Variants in DNAH6 observed in about 807,000 individuals in gnomAD.
DNAH6 encodes the protein dynein axonemal heavy chain 6.
In DNAH6, 340 loss-of-function variants were observed where a neutral mutation model predicts 491.4. That is an observed-to-expected ratio of 0.69 (90% CI 0.63 to 0.76). DNAH6 has a LOEUF of 0.76. DNAH6 is among the 30% of genes least tolerant of loss of function. The pLI, the probability that DNAH6 is intolerant of heterozygous loss-of-function variation, is 0.00. For synonymous variants in DNAH6, 1,603 were observed against 1,686.1 expected (o/e 0.95, Z 1.21); for missense variants, 4,443 against 4,972.2 (o/e 0.89, Z 3.20).
Position 84,663,490 on chromosome 2 carries a change from G to GAGA in DNAH6, c.6084+4321_6084+4322insAGA, listed in dbSNP as rs1450892355. Among the ~76,000 whole-genome samples the GAGA allele has an allele frequency of 4.3e-3, 647 of 152,106 alleles. 3 individuals are homozygous for GAGA. Among genetic ancestry groups the GAGA allele is most frequent in the African/African-American group, 0.015 (606 of 41,506 alleles). ...GCCGATTCTATCAATTGGAAGAAAG[G>GAGA]GTATCAGAGATTGAAGATCAAATGA... is the stretch of plus-strand genomic sequence containing the variant. On this transcript the variant is annotated intron_variant, in intron 37 of 76. Coordinates refer to ENST00000389394, the MANE Select transcript of DNAH6 (RefSeq NM_001370.2).
chr2:84,648,982 T>A (rs1456229468), intron 33 of DNAH6, among the ~76,000 whole-genome samples: 2 of 152,176 alleles, frequency 1.3e-5, no homozygotes, highest in Non-Finnish European at 2.9e-5. Context: ...ATTGCCACAG[T>A]CACTCCAGCC....
At chr2:84,735,923 TTCA>T (rs1699503521) in intron 62 of DNAH6, among the ~76,000 whole-genome samples, 1 of 152,208 alleles carries the variant, frequency 6.6e-6, no homozygotes, top group Non-Finnish European at 1.5e-5. Flanking sequence ...TTTTGGACTC[TTCA>T]TCATAAATAC....
chr2:84,646,381 T>G (rs996206832), intron 33 of DNAH6, among the ~76,000 whole-genome samples: 3 of 152,142 alleles, frequency 2.0e-5, no homozygotes, highest in African/African-American at 7.2e-5. Context: ...TGGTCTCTAG[T>G]GTTCAAGTGA....
At chr2:84,697,869 T>G in intron 47 of DNAH6, 142 bp downstream of exon 47, 4 of 893,228 alleles carry the variant, frequency 4.5e-6, no homozygotes, top group Non-Finnish European at 6.8e-6. Context: ...TCGATGTATT[T>G]TATTTTCGGT....
At position 84,731,501 on chromosome 2, in the gene DNAH6, G is replaced by A. The variant is rs556153501; in HGVS notation, c.10207-1943G>A. 2.2e-4 allele frequency among the ~76,000 whole-genome samples: 34 copies of A among 152,308 alleles called. 1 individual carries two copies. In the East Asian group the frequency reaches 5.0e-3, roughly 22 times the overall value. On this transcript the variant is annotated intron_variant, in intron 61 of 76. Transcript: ENST00000389394. ...AAGCTACTCTCTTCCCATCCATGGC[G>A]TACTCAGCTCCTAGAACTGGAATAT...
chr2:84,777,300 C>A, intron 64 of DNAH6: 2 of 270,096 alleles, frequency 7.4e-6, no homozygotes, highest in South Asian at 7.0e-5. Flanking sequence ...AGTGTAAATG[C>A]ACTCTTCTTC....
At chr2:84,460,379 A>G in the DNAH6 span, among the ~76,000 whole-genome samples, 2 of 152,256 alleles carry the variant, frequency 1.3e-5, no homozygotes, top group Non-Finnish European at 2.9e-5. Flanking sequence ...AGTGGTTTCC[A>G]GATATATCCA....
rs1679347006 is a variant in DNAH6, at chr2:84,805,665, T to C, written c.11482T>C (p.Tyr3828His). The change falls in exon 71 of 77, where the codon TAC (tyrosine) becomes CAC (histidine). Residue 3828 changes from tyrosine (Y) to histidine (H), a missense_variant and splice_region_variant. Tyr to His is a moderately conservative substitution (Grantham distance 83). This residue lies in a region of DNAH6 where 1,463 missense variants were observed against 1,656.6 expected (regional missense o/e 0.88). Transcript: ENST00000389394. Reference sequence around the variant, plus strand: ...GTTCTGTCTCTTATTGCCATTACAGTACAAAGAGACCAGCACTTTAATCAA... The same window carrying C: ...GTTCTGTCTCTTATTGCCATTACAGCACAAAGAGACCAGCACTTTAATCAA... The part of the protein sequence containing the change: ...MHENANLVFQ[Y>H]KETSTLINTI... The C allele has an allele frequency of 1.0e-5, 16 of 1,550,434 alleles. No homozygotes were observed. The highest frequency in any genetic ancestry group is 1.4e-5 in the Non-Finnish European group (16 of 1,146,384).
Position 84,658,420 on chromosome 2 carries a change from CTG to C in DNAH6, c.5888_5889del (p.Cys1963LeufsTer14), listed in dbSNP as rs767740823. 7 of 1,546,314 alleles carry C rather than the reference CTG, an allele frequency of 4.5e-6. No individual in the cohort carries two copies. The South Asian group carries it at 8.4e-5, about 19-fold the overall frequency. On this transcript the variant is annotated frameshift_variant, in exon 36 of 77. Transcript: ENST00000389394. LOFTEE classifies it high-confidence loss of function. Reference sequence around the variant, plus strand: ...TGGACATCAGCAAAGTTACTACACTCTGTTGCTTATTGGAGTCCTTGATACTT... The same window carrying C: ...TGGACATCAGCAAAGTTACTACACTCTTGCTTATTGGAGTCCTTGATACTT... Reference protein sequence around the residue: ...QVDISKVTTLCCLLESLILGK... With the variant: ...QVDISKVTTLXCLLESLILGK...
chr2:84,762,146 C>T (rs887276982), intron 63 of DNAH6, among the ~76,000 whole-genome samples: 2 of 151,800 alleles, frequency 1.3e-5, no homozygotes, highest in South Asian at 2.1e-4. Flanking sequence ...CAGGCCTGGG[C>T]GTAATCATCA....
At chr2:84,560,500 G>A (rs1221549930) in intron 11 of DNAH6, among the ~76,000 whole-genome samples, 1 of 147,038 alleles carries the variant, frequency 6.8e-6, no homozygotes, top group African/African-American at 2.5e-5. Context: ...GGGTACATGT[G>A]CACAATGTGC....
chr2:84,791,965 A>G (rs1414804586), intron 68 of DNAH6, among the ~76,000 whole-genome samples: 1 of 152,208 alleles, frequency 6.6e-6, no homozygotes, highest in Non-Finnish European at 1.5e-5. Context: ...TAGCCAAAAT[A>G]TGGAAACAAC....
At chr2:84,789,385 G>A (rs1573815728) in intron 68 of DNAH6, among the ~76,000 whole-genome samples, 1 of 152,122 alleles carries the variant, frequency 6.6e-6, no homozygotes, top group African/African-American at 2.4e-5. Context: ...CAGATCAGAG[G>A]CAGACAAGAG....
chr2:84,643,442 T>A lies in DNAH6; in HGVS notation c.5078+1388T>A, dbSNP rs1689608460. ...TTAATTTGGGGAAATTCTGCCATTATTCTTTCAAATATTTCTTCTGTTTTT... is the reference window on the plus strand; with the variant it reads ...TTAATTTGGGGAAATTCTGCCATTAATCTTTCAAATATTTCTTCTGTTTTT... On this transcript the variant is annotated intron_variant, in intron 33 of 76. Transcript: ENST00000389394. Among the ~76,000 whole-genome samples the A allele has an allele frequency of 2.0e-5, 3 of 152,274 alleles. No individual in the cohort carries two copies. The South Asian group carries it at 6.2e-4, about 32-fold the overall frequency.
At chr2:84,476,049 A>G in the DNAH6 span, among the ~76,000 whole-genome samples, 1 of 152,210 alleles carries the variant, frequency 6.6e-6, no homozygotes, top group Non-Finnish European at 1.5e-5. Flanking sequence ...GAGCTTCGTC[A>G]GCCCACCAGG....
intron 35 of DNAH6, among the ~76,000 whole-genome samples, chr2:84,657,837 A>G (rs1918687): frequency 0.97 from 146,819 of 152,050 alleles, 70,934 homozygotes; most frequent in East Asian, 1. Flanking sequence ...GCATTAGCTA[A>G]GACTTCAGGA....
chr2:84,515,723 A>G (rs1441813461), upstream of DNAH6, among the ~76,000 whole-genome samples: 1 of 152,240 alleles, frequency 6.6e-6, no homozygotes, highest in Non-Finnish European at 1.5e-5. Context: ...TCCCCTGATC[A>G]GTAACTGGGA....
chr2:84,798,751 A>T (rs1678581564), intron 70 of DNAH6, among the ~76,000 whole-genome samples: 1 of 152,114 alleles, frequency 6.6e-6, no homozygotes, highest in Non-Finnish European at 1.5e-5. Flanking sequence ...GCCCTGCCTG[A>T]GTGTTTTATT....
At chr2:84,607,900 A>G (rs147337075) in intron 21 of DNAH6, among the ~76,000 whole-genome samples, 1 of 152,302 alleles carries the variant, frequency 6.6e-6, no homozygotes, top group Non-Finnish European at 1.5e-5. Context: ...TCTTTGTAGC[A>G]TGCAATATTT....
Sources: gnomAD v4.1 joint callset for allele counts (sites outside exome capture counted in the v4.1 genomes callset) on GRCh38, gnomAD v4.1.1 for gene constraint, gnomAD v4.1.1 regional missense constraint, MANE v1.5 for transcripts, NCBI Gene and HGNC (gene_info 2026-07-23, HGNC 2026-07-21) for gene names.